Variants in ELAVL2 observed in about 807,000 individuals in gnomAD.
The protein encoded by ELAVL2 is ELAV like RNA binding protein 2, also known as ELAV-like protein 2.
Under a neutral mutation model 34.6 loss-of-function variants are expected in ELAVL2, and 4 were observed. That is an observed-to-expected ratio of 0.12 (90% CI 0.06 to 0.26). The LOEUF (loss-of-function observed/expected upper bound fraction) is 0.26. Among genes scored for constraint, ELAVL2 ranks in the 10% least tolerant of loss-of-function variants. The pLI is 1.00. For synonymous variants in ELAVL2, 193 were observed against 154.8 expected (o/e 1.25, Z -1.83); for missense variants, 432 against 442.8 (o/e 0.98, Z 0.22).
chr9:23,801,489 T>C (rs2061561919), intron 1 of ELAVL2, among the ~76,000 whole-genome samples: 1 of 152,144 alleles, frequency 6.6e-6, no homozygotes, highest in African/African-American at 2.4e-5. Flanking sequence ...GGCTACTCAG[T>C]TTTCAGACAA....
Position 23,696,627 on chromosome 9 carries a change from G to A in ELAVL2, c.714-3141C>T, listed in dbSNP as rs1474546340. Among the ~76,000 whole-genome samples, 7 of 150,718 alleles carry A rather than the reference G, an allele frequency of 4.6e-5. No homozygotes were observed. The South Asian group carries it at 1.3e-3, about 27-fold the overall frequency. On this transcript the variant is annotated intron_variant, in intron 5 of 6. Transcript: ENST00000397312. ...GGGACTACAGGCACCCAACCACCAC[G>A]TCCGGCTAATTTTTTTTGTATTTTT...
intron 3 of ELAVL2, among the ~76,000 whole-genome samples, chr9:23,725,456 T>G (rs985864910): frequency 2.0e-5 from 3 of 152,310 alleles, no homozygotes; most frequent in Admixed American, 6.5e-5. Context: ...GCTGCAGGTA[T>G]TTTAACAGAG....
rs941136444 is a variant in ELAVL2, at chr9:23,810,781, G to A, written c.-16+15025C>T. ...CCTCACCTATAAAACATCATTCCCAGGGAGCTGTGGCAAGTTTCTATAAGG... is the reference window on the plus strand; with the variant it reads ...CCTCACCTATAAAACATCATTCCCAAGGAGCTGTGGCAAGTTTCTATAAGG... On this transcript the variant is annotated intron_variant, in intron 1 of 6. Transcript: ENST00000397312. 2.0e-5 allele frequency among the ~76,000 whole-genome samples: 3 copies of A among 152,096 alleles called. No individual in the cohort carries two copies. The East Asian group carries it at 5.8e-4, about 29-fold the overall frequency.
At chr9:23,842,872 C>T in the ELAVL2 span, among the ~76,000 whole-genome samples, 1 of 152,108 alleles carries the variant, frequency 6.6e-6, no homozygotes, top group Admixed American at 6.5e-5. Flanking sequence ...ACTTTAACAC[C>T]TCCTGCTAGT....
intron 5 of ELAVL2, among the ~76,000 whole-genome samples, chr9:23,695,051 T>C (rs1344032964): frequency 6.6e-6 from 1 of 152,184 alleles, no homozygotes; most frequent in Non-Finnish European, 1.5e-5. Flanking sequence ...TGGATGACCT[T>C]GTCTGCACAT....
At chr9:23,850,114 TGG>T in the ELAVL2 span, among the ~76,000 whole-genome samples, 3 of 73,122 alleles carry the variant, frequency 4.1e-5, no homozygotes, top group South Asian at 1.3e-3. Context: ...GGGGAGGGGG[TGG>T]GGGTGGAAAA....
intron 1 of ELAVL2, among the ~76,000 whole-genome samples, chr9:23,781,119 G>T (rs753312566): frequency 1.3e-5 from 2 of 152,096 alleles, no homozygotes; most frequent in Non-Finnish European, 2.9e-5. Flanking sequence ...CTCTGCTAGC[G>T]AACAGGGTTA....
intron 1 of ELAVL2, among the ~76,000 whole-genome samples, chr9:23,815,974 C>A (rs10966084): frequency 9.2e-5 from 14 of 152,154 alleles, no homozygotes; most frequent in Non-Finnish European, 1.9e-4. Flanking sequence ...ACAAGAACCT[C>A]TGAATGACTT....
intron 1 of ELAVL2, among the ~76,000 whole-genome samples, chr9:23,811,905 G>T (rs3793601): frequency 0.14 from 21,153 of 151,928 alleles, 1,858 homozygotes; most frequent in Middle Eastern, 0.19. Flanking sequence ...AAAATCAAAG[G>T]TAACAAAAAC....
rs1186806200 is a variant in ELAVL2, at chr9:23,692,205, A to T, written c.*352T>A. The T allele has an allele frequency of 5.5e-6, 1 of 181,218 alleles. No individual in the cohort carries two copies. Among genetic ancestry groups the T allele is most frequent in the Non-Finnish European group, 1.2e-5 (1 of 86,126 alleles). The allele number at this position is 181,218 out of a possible 1,614,324, so 11.2% of individuals were successfully genotyped here. ...AACCAACTGAAGAATTACAACACAAAGCCTCAATATTTACTCACAGGTTCA... is the reference window on the plus strand; with the variant it reads ...AACCAACTGAAGAATTACAACACAATGCCTCAATATTTACTCACAGGTTCA... On this transcript the variant is annotated 3_prime_UTR_variant, in exon 7 of 7. Coordinates refer to ENST00000397312, the MANE Select transcript of ELAVL2 (RefSeq NM_004432.5).
intron 3 of ELAVL2, among the ~76,000 whole-genome samples, chr9:23,720,500 A>G (rs1324777455): frequency 2.0e-5 from 3 of 152,278 alleles, no homozygotes; most frequent in South Asian, 2.1e-4. Context: ...GGCCCTAAAG[A>G]ACCATACTGA....
At chr9:23,754,718 C>A (rs939530931) in intron 2 of ELAVL2, among the ~76,000 whole-genome samples, 2 of 152,144 alleles carry the variant, frequency 1.3e-5, no homozygotes, top group African/African-American at 2.4e-5. Context: ...CTGCATTGGC[C>A]TTCCAAAGTG....
At chr9:23,754,252 T>C (rs1044815578) in intron 2 of ELAVL2, among the ~76,000 whole-genome samples, 2 of 152,166 alleles carry the variant, frequency 1.3e-5, no homozygotes, top group South Asian at 2.1e-4. Context: ...GAGAAGAATA[T>C]TGTTTCATAC....
At chr9:23,699,603 G>A (rs1468526809) in intron 5 of ELAVL2, among the ~76,000 whole-genome samples, 1 of 151,946 alleles carries the variant, frequency 6.6e-6, no homozygotes, top group Admixed American at 6.6e-5. Flanking sequence ...AATTCCTTCA[G>A]GCTTGTTCAT....
chr9:23,743,110 G>A (rs559118656), intron 2 of ELAVL2, among the ~76,000 whole-genome samples: 1 of 152,248 alleles, frequency 6.6e-6, no homozygotes, highest in East Asian at 1.9e-4. Flanking sequence ...AGTTGTAAAG[G>A]CTATGGGTCA....
chr9:23,786,178 T>G (rs1275271233), intron 1 of ELAVL2, among the ~76,000 whole-genome samples: 2 of 152,212 alleles, frequency 1.3e-5, no homozygotes, highest in Admixed American at 6.5e-5. Context: ...CCACATCGTG[T>G]GCACTATTTT....
intron 1 of ELAVL2, among the ~76,000 whole-genome samples, chr9:23,793,535 AAT>A (rs1564491542): frequency 6.6e-6 from 1 of 152,060 alleles, no homozygotes; most frequent in African/African-American, 2.4e-5. Context: ...CAACAAAACT[AAT>A]AGAGTCTCTC....
chr9:23,812,659 A>G (rs934959921), intron 1 of ELAVL2, among the ~76,000 whole-genome samples: 1 of 152,056 alleles, frequency 6.6e-6, no homozygotes, highest in African/African-American at 2.4e-5. Flanking sequence ...TAAGTTCCAA[A>G]TGTACCTACA....
the ELAVL2 span, among the ~76,000 whole-genome samples, chr9:23,844,772 G>T: frequency 6.6e-6 from 1 of 151,962 alleles, no homozygotes; most frequent in Non-Finnish European, 1.5e-5. Context: ...AAGCGAGGCG[G>T]TATGTAGCTT....
Sources: allele counts gnomAD v4.1 joint callset (sites outside exome capture counted in the v4.1 genomes callset), GRCh38; gene constraint gnomAD v4.1.1; transcripts MANE v1.5; gene names NCBI Gene and HGNC (gene_info 2026-07-23, HGNC 2026-07-21).